The following SPAG1 variants were observed in gnomAD, a reference collection of about 807,000 sequenced individuals.
The protein encoded by SPAG1 is sperm-associated antigen 1.
A neutral mutation model predicts 100.5 loss-of-function variants in SPAG1; 69 were observed. That is an observed-to-expected ratio of 0.69 (90% CI 0.57 to 0.84). The LOEUF (loss-of-function observed/expected upper bound fraction) is 0.84. SPAG1 is among the 40% of genes least tolerant of loss of function. The pLI is 0.00. For missense variants in SPAG1, 955 were observed against 1,133.1 expected (o/e 0.84, Z 2.26); for synonymous variants, 336 against 411.6 (o/e 0.82, Z 2.22).
intron 16 of SPAG1, among the ~76,000 whole-genome samples, chr8:100,234,290 G>A (rs534392692): frequency 2.1e-4 from 32 of 152,210 alleles, no homozygotes; most frequent in African/African-American, 7.2e-4. Flanking sequence ...CTTTTGGTAT[G>A]TGCATATCCT....
intron 12 of SPAG1, 140 bp downstream of exon 12, chr8:100,214,058 A>G: frequency 1.8e-6 from 1 of 544,994 alleles, no homozygotes; most frequent in East Asian, 2.9e-5. Context: ...TGATGCATAA[A>G]AATCATAAAT....
chr8:100,200,036 G>A (rs1339310722), intron 10 of SPAG1, among the ~76,000 whole-genome samples: 1 of 151,816 alleles, frequency 6.6e-6, no homozygotes, highest in Non-Finnish European at 1.5e-5. Context: ...CCATGTTGGT[G>A]TGCTGCACCC....
chr8:100,205,019 T>C (rs778108535), intron 10 of SPAG1, among the ~76,000 whole-genome samples: 1 of 152,176 alleles, frequency 6.6e-6, no homozygotes, highest in Non-Finnish European at 1.5e-5. Flanking sequence ...ACGATGTTCC[T>C]AGAAGTGAAA....
intron 16 of SPAG1, among the ~76,000 whole-genome samples, chr8:100,235,869 C>T (rs1424292731): frequency 6.6e-6 from 1 of 152,054 alleles, no homozygotes; most frequent in Non-Finnish European, 1.5e-5. Flanking sequence ...TAGCAACACA[C>T]TCACTTGTAA....
chr8:100,210,358 A>T lies in SPAG1; in HGVS notation c.1097-2732A>T, dbSNP rs550015350. On this transcript the variant is annotated intron_variant, in intron 10 of 18. Transcript: ENST00000388798. ...CCTTTGTATTCCTGGGATAAATCCCACTTGGCCATGGTGTATAATCCATTC... is the reference window on the plus strand; with the variant it reads ...CCTTTGTATTCCTGGGATAAATCCCTCTTGGCCATGGTGTATAATCCATTC... Among the ~76,000 whole-genome samples the T allele has an allele frequency of 5.9e-5, 9 of 152,280 alleles. No homozygotes were observed. In the East Asian group the frequency reaches 1.7e-3, roughly 29 times the overall value.
At position 100,236,829 on chromosome 8, in the gene SPAG1, G is replaced by A. The variant is rs1469556629; in HGVS notation, c.2116-2411G>A. Among the ~76,000 whole-genome samples the A allele has an allele frequency of 3.3e-5, 5 of 151,720 alleles. No homozygotes were observed. The East Asian group carries it at 9.6e-4, about 29-fold the overall frequency. ...CTTAGGGAATTTACACCCAATAGAG[G>A]GTGCTGCAAGATCCACCCAAAAGAG... On this transcript the variant is annotated intron_variant, in intron 16 of 18. Coordinates refer to ENST00000388798, the MANE Select transcript of SPAG1 (RefSeq NM_003114.5).
Position 100,204,208 on chromosome 8 carries a change from G to A in SPAG1, c.1097-8882G>A, listed in dbSNP as rs1388034916. Among the ~76,000 whole-genome samples, 3 of 152,026 alleles carry A rather than the reference G, an allele frequency of 2.0e-5. No homozygotes were observed. The East Asian group carries it at 5.8e-4, about 29-fold the overall frequency. On this transcript the variant is annotated intron_variant, in intron 10 of 18. Coordinates refer to ENST00000388798, the MANE Select transcript of SPAG1 (RefSeq NM_003114.5). ...GGCAAGATAATGTTGATTCTCCTCA[G>A]AAGCCACCCCCAACAACCTTGTTTG... is the stretch of plus-strand genomic sequence containing the variant.
At chr8:100,175,633 G>A (rs962020882) in intron 3 of SPAG1, among the ~76,000 whole-genome samples, 3 of 152,084 alleles carry the variant, frequency 2.0e-5, no homozygotes, top group Non-Finnish European at 2.9e-5. Context: ...TGATCTAGAG[G>A]TTGAATTAGA....
rs374681721 is a variant in SPAG1 at position 100,199,080 on chromosome 8, G to A, written c.1096+4812G>A. Among the ~76,000 whole-genome samples the A allele has an allele frequency of 3.8e-4, 58 of 152,208 alleles. 1 individual carries two copies. The South Asian group carries it at 0.012, about 31-fold the overall frequency. On this transcript the variant is annotated intron_variant, in intron 10 of 18. Transcript: ENST00000388798. ...TATTATGAATAATGCTGTCATGAAC[G>A]CTCATGTACAGATTTTTGTTTGAAC...
intron 13 of SPAG1, among the ~76,000 whole-genome samples, chr8:100,224,893 CA>C (rs1357689245): frequency 1.3e-5 from 2 of 151,986 alleles, no homozygotes; most frequent in Non-Finnish European, 2.9e-5. Flanking sequence ...TTAACTTTCT[CA>C]AAAAATACAA....
chr8:100,170,969 A>G (rs188573751), intron 3 of SPAG1, among the ~76,000 whole-genome samples: 156 of 152,246 alleles, frequency 1.0e-3, no homozygotes, highest in Admixed American at 2.4e-3. Flanking sequence ...TGTGAAATAT[A>G]ACGTTAGCTT....
intron 3 of SPAG1, among the ~76,000 whole-genome samples, chr8:100,168,684 CA>C (rs1815674977): frequency 1.6e-5 from 1 of 62,370 alleles, no homozygotes. Context: ...CATGCCCAGC[CA>C]TCTTTTTTTT....
chr8:100,188,143 C>T (rs1816664315), intron 8 of SPAG1, among the ~76,000 whole-genome samples: 1 of 151,870 alleles, frequency 6.6e-6, no homozygotes, highest in African/African-American at 2.4e-5. Flanking sequence ...GCGTGAGCTA[C>T]TGCTCCCAGC....
At chr8:100,232,107 T>A (rs1818800310) in intron 15 of SPAG1, among the ~76,000 whole-genome samples, 1 of 152,230 alleles carries the variant, frequency 6.6e-6, no homozygotes, top group South Asian at 2.1e-4. Flanking sequence ...AAAAGATACC[T>A]ATATAGAATA....
intron 7 of SPAG1, among the ~76,000 whole-genome samples, chr8:100,186,435 A>T (rs1165403521): frequency 6.6e-6 from 1 of 151,918 alleles, no homozygotes; most frequent in Admixed American, 6.6e-5. Flanking sequence ...TTTTAAAGTG[A>T]TCTATAGGTA....
At chr8:100,238,127 G>C (rs770001228) in intron 16 of SPAG1, among the ~76,000 whole-genome samples, 2 of 152,164 alleles carry the variant, frequency 1.3e-5, no homozygotes, top group Non-Finnish European at 2.9e-5. Flanking sequence ...CCACTCCCTT[G>C]CCTTTCAGGT....
At chr8:100,172,688 GTA>G (rs1322945904) in intron 3 of SPAG1, among the ~76,000 whole-genome samples, 1 of 151,540 alleles carries the variant, frequency 6.6e-6, no homozygotes, top group Non-Finnish European at 1.5e-5. Flanking sequence ...GTATGTATGT[GTA>G]TATATATGTG....
intron 1 of SPAG1, among the ~76,000 whole-genome samples, chr8:100,160,216 G>C (rs1815246328): frequency 6.6e-6 from 1 of 152,206 alleles, no homozygotes; most frequent in Non-Finnish European, 1.5e-5. Flanking sequence ...TGTTTCTGAA[G>C]GGGTATAGGC....
At chr8:100,194,063 TTTA>T in intron 9 of SPAG1, 46 bp from the exon 10 acceptor site, 1 of 1,232,916 alleles carries the variant, frequency 8.1e-7, no homozygotes, top group Non-Finnish European at 1.1e-6. Context: ...AATGGTTATA[TTTA>T]TTATTAGAGG....
Sources: allele counts gnomAD v4.1 joint callset (sites outside exome capture counted in the v4.1 genomes callset), GRCh38; gene constraint gnomAD v4.1.1; transcripts MANE v1.5; gene names NCBI Gene and HGNC (gene_info 2026-07-23, HGNC 2026-07-21).